Variants in CELSR3 observed in about 807,000 individuals in gnomAD.
CELSR3 encodes EGF-like protein 1.
A neutral mutation model predicts 270.0 loss-of-function variants in CELSR3; 73 were observed. The ratio of observed to expected loss-of-function variants is 0.27; its 90% CI spans 0.22 to 0.33. The LOEUF (loss-of-function observed/expected upper bound fraction) is 0.33, where lower values mean the gene tolerates loss of function less well. Among genes scored for constraint, CELSR3 ranks in the 10% least tolerant of loss-of-function variants. The pLI is 1.00. For missense variants in CELSR3, 3,614 were observed against 4,533.8 expected, an observed-to-expected ratio of 0.80 and a Z score of 5.83; for synonymous variants, 1,780 against 1,905.4, an observed-to-expected ratio of 0.93 and a Z score of 1.71.
Position 48,662,000 on chromosome 3 carries a change from C to A in CELSR3, c.635G>T (p.Gly212Val). The A allele has an allele frequency of 1.2e-6, 2 of 1,614,084 alleles. No homozygotes were observed. Among genetic ancestry groups the A allele is most frequent in the Non-Finnish European group, 1.7e-6 (2 of 1,180,040 alleles). ...ARCCGELWAT[G>V]SKGQGERATT... ...GGCTCTCTCGCCCTGACCCTTGCTC[C>A]CTGTTGCCCATAATTCCCCACAGCA... The change falls in exon 1 of 35, where the codon GGG becomes GTG. Residue 212 changes from glycine (G) to valine (V), a missense_variant. Gly to Val is a moderately radical substitution (Grantham distance 109, BLOSUM62 -3). Coordinates refer to ENST00000164024, the MANE Select transcript of CELSR3 (RefSeq NM_001407.3).
chr3:48,644,635 C>A lies in CELSR3; in HGVS notation c.8085+81G>T, dbSNP rs1326556985. The A allele has an allele frequency of 5.3e-6, 6 of 1,137,678 alleles. No individual in the cohort carries two copies. The highest frequency in any genetic ancestry group is 7.8e-6 in the Non-Finnish European group (6 of 770,360). The allele number at this position is 1,137,678 out of a possible 1,614,324, so 70.5% of individuals were successfully genotyped here. A position where few individuals can be genotyped will look rare whatever the true frequency, so the allele number is the denominator to read the frequency against. On this transcript the variant is annotated intron_variant, in intron 26 of 34. Transcript: ENST00000164024. This position sits in a 1 kb window ranked among gnomAD's most constrained non-coding sequence, Gnocchi z 4.8. ...GGAAGCCTGCAGAATGCCACCTGACCGCCCTCAGCTGAGTCCACTGCACCT... is the reference window on the plus strand; with the variant it reads ...GGAAGCCTGCAGAATGCCACCTGACAGCCCTCAGCTGAGTCCACTGCACCT...
At position 48,662,102 on chromosome 3, in the gene CELSR3, C is replaced by G; in HGVS notation, c.533G>C (p.Arg178Pro). Residue 178 changes from arginine to proline, a missense_variant, in exon 1 of 35, where the codon CGG becomes CCG. Arg to Pro is a moderately radical substitution (Grantham distance 103, BLOSUM62 -2). Transcript: ENST00000164024. This position sits in a 1 kb window ranked among gnomAD's most constrained non-coding sequence, Gnocchi z 7.1. ...SSPLPSDFLI[R>P]HHGPKPVSSQ... Reference sequence around the variant, plus strand: ...GGACACCGGCTTGGGACCGTGGTGCCGAATCAAAAAGTCTGAAGGGAGGGG... The same window carrying G: ...GGACACCGGCTTGGGACCGTGGTGCGGAATCAAAAAGTCTGAAGGGAGGGG... 4 of 1,613,826 alleles carry G rather than the reference C, an allele frequency of 2.5e-6. No individual in the cohort carries two copies. The highest frequency in any genetic ancestry group is 3.4e-6 in the Non-Finnish European group (4 of 1,179,994).
chr3:48,660,612 C>T lies in CELSR3; in HGVS notation c.2023G>A (p.Ala675Thr), dbSNP rs139551684. 6 of 1,614,212 alleles carry T rather than the reference C, an allele frequency of 3.7e-6. No homozygotes were observed. Among genetic ancestry groups the T allele is most frequent in the African/African-American group, 1.3e-5 (1 of 75,058 alleles). The change falls in exon 1 of 35, where the codon GCA becomes ACA. Residue 675 changes from alanine to threonine, a missense_variant. Around this residue, in one of 7 missense-constraint regions of CELSR3, gnomAD observed 354 missense variants for 500.9 expected, o/e 0.71. Transcript: ENST00000164024. The surrounding 1 kb of genome is among the most constrained non-coding windows in gnomAD (Gnocchi z 5.5). The stretch of plus-strand genomic sequence containing the variant: ...TTCTCCCCATGGTCTGCATCGACTG[C>T]CTGAATGTGGATGACTGAGTGACCC... The part of the protein sequence containing the change: ...PLGHSVIHIQ[A>T]VDADHGENAR...
In CELSR3 at chr3:48,639,746, G is replaced by A. The variant is rs146846419; in HGVS notation, c.9839C>T (p.Ala3280Val). 1.2e-6 allele frequency: 2 copies of A among 1,613,776 alleles called. No individual in the cohort carries two copies. The highest frequency in any genetic ancestry group is 1.7e-6 in the Non-Finnish European group (2 of 1,179,972). ...TGGCGTGGAGGGCCCAAGCACAGAG[G>A]CTGTGGCAGAAGGTGTGGCAGTGGT... ...PHTTATPSAT[A>V]SVLGPSTPRS... The change falls in exon 34 of 35, where the codon GCC becomes GTC. Residue 3280 changes from alanine (A) to valine (V), a missense_variant. Coordinates refer to ENST00000164024, the MANE Select transcript of CELSR3 (RefSeq NM_001407.3). The surrounding 1 kb of genome is among the most constrained non-coding windows in gnomAD (Gnocchi z 4.1).
chr3:48,647,039 T>C (rs1370915741), intron 20 of CELSR3, 111 bp from the exon 21 acceptor site: 7 of 1,076,376 alleles, frequency 6.5e-6, no homozygotes, highest in Non-Finnish European at 7.7e-6. Context: ...AGGAGCAGAA[T>C]TGGGGAGTGC....
At chr3:48,649,318 G>A (rs910722513) in intron 16 of CELSR3, 103 bp from the exon 17 acceptor site, 2 of 979,270 alleles carry the variant, frequency 2.0e-6, no homozygotes, top group African/African-American at 1.6e-5. Flanking sequence ...TGAGGCAGAA[G>A]TCAGAGTCAT....
rs763857826 is a variant in CELSR3, at chr3:48,645,914, C to A, written c.7464-46G>T. ...GACACAACTGTGACCCAGTGTCAGG[C>A]AGGGGTTTGTGAGAGATCATGGGAA... On this transcript the variant is annotated intron_variant, in intron 22 of 34. Coordinates refer to ENST00000164024, the MANE Select transcript of CELSR3 (RefSeq NM_001407.3). The surrounding 1 kb of genome is among the most constrained non-coding windows in gnomAD (Gnocchi z 5.4). 6.3e-7 allele frequency: 1 copy of A among 1,580,416 alleles called. No homozygotes were observed. The highest frequency in any genetic ancestry group is 1.7e-4 in the Middle Eastern group (1 of 5,720).
Position 48,655,696 on chromosome 3 carries a change from C to T in CELSR3, c.4741+40G>A. 6.5e-7 allele frequency: 1 copy of T among 1,544,946 alleles called. No individual in the cohort carries two copies. Among genetic ancestry groups the T allele is most frequent in the Middle Eastern group, 1.7e-4 (1 of 5,910 alleles). On this transcript the variant is annotated intron_variant, in intron 4 of 34. Coordinates refer to ENST00000164024, the MANE Select transcript of CELSR3 (RefSeq NM_001407.3). This position sits in a 1 kb window ranked among gnomAD's most constrained non-coding sequence, Gnocchi z 5.8. The stretch of plus-strand genomic sequence containing the variant: ...GGGACTTGGGCCCTGCGTCCTCCAG[C>T]ACACACGCACCCTTTCGCCGTCACA...
In CELSR3 at chr3:48,650,432, C is replaced by CCGGGGGGGGGGGGGGGGGGGGGGGGGGCG; in HGVS notation, c.6472+47_6472+48insCGCCCCCCCCCCCCCCCCCCCCCCCCCCG. The CCGGGGGGGGGGGGGGGGGGGGGGGGGGCG allele has an allele frequency of 8.3e-7, 1 of 1,208,944 alleles. No individual in the cohort carries two copies. Among genetic ancestry groups the CCGGGGGGGGGGGGGGGGGGGGGGGGGGCG allele is most frequent in the East Asian group, 2.8e-5 (1 of 35,584 alleles). 74.9% of individuals were successfully genotyped at this position (1,208,944 alleles called of 1,614,324 possible). A position where few individuals can be genotyped will look rare whatever the true frequency, so the allele number is the denominator to read the frequency against. On this transcript the variant is annotated intron_variant, in intron 16 of 34. Coordinates refer to ENST00000164024, the MANE Select transcript of CELSR3 (RefSeq NM_001407.3). The surrounding 1 kb of genome is among the most constrained non-coding windows in gnomAD (Gnocchi z 5.1). ...AGACATGGCTCTAGCAGTCAGAGTA[C>CCGGGGGGGGGGGGGGGGGGGGGGGGGGCG]AGGCCCACCCCCACCCTCAGTGATG... is the stretch of plus-strand genomic sequence containing the variant.
rs200302496 is a variant in CELSR3, at chr3:48,659,860, C to T, written c.2775G>A (p.Val925=). ...LQAPLDYEDQ[V]TYTLAITARD... ...GAGCTGTGATAGCCAGGGTGTAGGT[C>T]ACCTGGTCCTCATAGTCTAATGGGG... is the stretch of plus-strand genomic sequence containing the variant. Residue 925 remains valine (V), a synonymous_variant, in exon 1 of 35, where the codon GTG becomes GTA. Coordinates refer to ENST00000164024, the MANE Select transcript of CELSR3 (RefSeq NM_001407.3). This position sits in a 1 kb window ranked among gnomAD's most constrained non-coding sequence, Gnocchi z 8.1. 1.2e-6 allele frequency: 2 copies of T among 1,614,168 alleles called. No homozygotes were observed. Among genetic ancestry groups the T allele is most frequent in the East Asian group, 4.5e-5 (2 of 44,888 alleles).
chr3:48,642,809 C>G lies in CELSR3; in HGVS notation c.8482G>C (p.Val2828Leu). The change falls in exon 30 of 35, where the codon GTC becomes CTC. Residue 2828 changes from valine to leucine, a missense_variant. Transcript: ENST00000164024. This position sits in a 1 kb window ranked among gnomAD's most constrained non-coding sequence, Gnocchi z 6.1. The part of the protein sequence containing the change: ...LIRITLGAST[V>L]SSVSSARSGR... ...GAGCGGGCACTGCTCACAGAGGAGACGGTGGAGGCGCCCAGAGTGATGCGG... is the reference window on the plus strand; with the variant it reads ...GAGCGGGCACTGCTCACAGAGGAGAGGGTGGAGGCGCCCAGAGTGATGCGG... 6.8e-6 allele frequency: 11 copies of G among 1,613,040 alleles called. No homozygotes were observed. The highest frequency in any genetic ancestry group is 9.3e-6 in the Non-Finnish European group (11 of 1,179,966).
In CELSR3 at chr3:48,660,386, T is replaced by C; in HGVS notation, c.2249A>G (p.Asn750Ser). 1 of 1,614,098 alleles carries C rather than the reference T, an allele frequency of 6.2e-7. No individual in the cohort carries two copies. Among genetic ancestry groups the C allele is most frequent in the Non-Finnish European group, 8.5e-7 (1 of 1,180,024 alleles). ...CATTGTGAACTCAGGCCGATTGTCA[T>C]TAACGTCCAGCACAGTCACGGTGAC... ...ASVTVTVLDVNDNRPEFTMKE... is the reference protein window; with the variant it reads ...ASVTVTVLDVSDNRPEFTMKE... The change falls in exon 1 of 35, where the codon AAT becomes AGT. Residue 750 changes from asparagine (N) to serine (S), a missense_variant. Coordinates refer to ENST00000164024, the MANE Select transcript of CELSR3 (RefSeq NM_001407.3). This position sits in a 1 kb window ranked among gnomAD's most constrained non-coding sequence, Gnocchi z 5.5.
In CELSR3 at chr3:48,651,853, T is replaced by C. The variant is rs1317301970; in HGVS notation, c.5923+24A>G. On this transcript the variant is annotated intron_variant, in intron 12 of 34. Coordinates refer to ENST00000164024, the MANE Select transcript of CELSR3 (RefSeq NM_001407.3). This position sits in a 1 kb window ranked among gnomAD's most constrained non-coding sequence, Gnocchi z 7.4. ...CCCTAACGCCTGCCCAGGTCACCCT[T>C]CCCCCAACCCTCTCAAGGCTCACCT... 6.3e-7 allele frequency: 1 copy of C among 1,594,602 alleles called. No homozygotes were observed. Among genetic ancestry groups the C allele is most frequent in the African/African-American group, 1.3e-5 (1 of 74,166 alleles).
Position 48,640,023 on chromosome 3 carries a change from A to G in CELSR3, c.9562T>C (p.Ser3188Pro), listed in dbSNP as rs774761894. 3.1e-6 allele frequency: 5 copies of G among 1,611,592 alleles called. No homozygotes were observed. The highest frequency in any genetic ancestry group is 3.3e-5 in the Admixed American group (2 of 59,974). The change falls in exon 34 of 35, where the codon TCC becomes CCC. Residue 3188 changes from serine to proline, a missense_variant. This residue lies in a region of CELSR3 where 1,240 missense variants were observed against 1,351.7 expected (regional missense o/e 0.92). Coordinates refer to ENST00000164024, the MANE Select transcript of CELSR3 (RefSeq NM_001407.3). This position sits in a 1 kb window ranked among gnomAD's most constrained non-coding sequence, Gnocchi z 7.5. ...CTAGACAGAGAGTCCAGCGGCCGGGATGGCAAGAGGGGGTCCCTTGAGAGT... is the reference window on the plus strand; with the variant it reads ...CTAGACAGAGAGTCCAGCGGCCGGGGTGGCAAGAGGGGGTCCCTTGAGAGT... Reference protein sequence around the residue: ...RQLSRDPLLPSRPLDSLSRSS... With the variant: ...RQLSRDPLLPPRPLDSLSRSS...
At position 48,645,318 on chromosome 3, in the gene CELSR3, A is replaced by C; in HGVS notation, c.7798-109T>G. ...CCCCTAAACCACAATATCTTACCCCAGCATCCTGCTGAAAACCCTGGCCCC... is the reference window on the plus strand; with the variant it reads ...CCCCTAAACCACAATATCTTACCCCCGCATCCTGCTGAAAACCCTGGCCCC... On this transcript the variant is annotated intron_variant, in intron 24 of 34. Coordinates refer to ENST00000164024, the MANE Select transcript of CELSR3 (RefSeq NM_001407.3). This position sits in a 1 kb window ranked among gnomAD's most constrained non-coding sequence, Gnocchi z 5.4. 1 of 1,544,042 alleles carries C rather than the reference A, an allele frequency of 6.5e-7. No homozygotes were observed. The highest frequency in any genetic ancestry group is 8.8e-7 in the Non-Finnish European group (1 of 1,131,786).
At chr3:48,643,777 T>TG in intron 27 of CELSR3, 100 bp from the exon 28 acceptor site, 1 of 1,385,196 alleles carries the variant, frequency 7.2e-7, no homozygotes, top group Admixed American at 2.5e-5. Context: ...ACACGAAACG[T>TG]GAAAAAAAGG....
In CELSR3 at chr3:48,645,001, G is replaced by A; in HGVS notation, c.7972+34C>T. The A allele has an allele frequency of 1.9e-6, 3 of 1,560,956 alleles. No homozygotes were observed. Among genetic ancestry groups the A allele is most frequent in the Non-Finnish European group, 2.6e-6 (3 of 1,147,394 alleles). ...GGGACAGGGTCAGGGGTCAGGCCAT[G>A]TGATGGTTGGAGGTTGGGGGTCACA... On this transcript the variant is annotated intron_variant, in intron 25 of 34. Coordinates refer to ENST00000164024, the MANE Select transcript of CELSR3 (RefSeq NM_001407.3). This position sits in a 1 kb window ranked among gnomAD's most constrained non-coding sequence, Gnocchi z 5.4.
rs1414923377 is a variant in CELSR3, at chr3:48,660,977, T to C, written c.1658A>G (p.Gln553Arg). 6.2e-7 allele frequency: 1 copy of C among 1,613,920 alleles called. No individual in the cohort carries two copies. Among genetic ancestry groups the C allele is most frequent in the Non-Finnish European group, 8.5e-7 (1 of 1,180,036 alleles). Residue 553 changes from glutamine (Q) to arginine (R), a missense_variant, in exon 1 of 35, where the codon CAG becomes CGG. Coordinates refer to ENST00000164024, the MANE Select transcript of CELSR3 (RefSeq NM_001407.3). This position sits in a 1 kb window ranked among gnomAD's most constrained non-coding sequence, Gnocchi z 5.5. ...PQFSEKRYVA[Q>R]VREDVRPHTV... ...GTGGGGGCGCACATCCTCGCGCACC[T>C]GCGCCACGTAGCGCTTCTCGCTGAA...
intron 34 of CELSR3, among the ~76,000 whole-genome samples, chr3:48,638,841 C>T (rs1243575668): frequency 6.6e-6 from 1 of 151,968 alleles, no homozygotes; most frequent in African/African-American, 2.4e-5. Flanking sequence ...TGTCCTCTCT[C>T]TGCCCTGGGT....
Sources: gnomAD v4.1 joint callset for allele counts (sites outside exome capture counted in the v4.1 genomes callset) on GRCh38, gnomAD v4.1.1 for gene constraint, gnomAD v4.1.1 regional missense constraint, Gnocchi (gnomAD v3.1) non-coding constraint, MANE v1.5 for transcripts, NCBI Gene and HGNC (gene_info 2026-07-23, HGNC 2026-07-21) for gene names.